The following SCAF11 variants were observed in gnomAD, a reference collection of about 807,000 sequenced individuals.
The protein encoded by SCAF11 is SR-related CTD associated factor 11, also known as protein SCAF11.
A neutral mutation model predicts 140.5 loss-of-function variants in SCAF11; 47 were observed. The ratio of observed to expected loss-of-function variants is 0.33; its 90% confidence interval spans 0.26 to 0.43. The LOEUF is 0.43. Ranked by LOEUF, SCAF11 falls within the 20% of genes least tolerant of loss-of-function variation. SCAF11 has a pLI of 1.00. For synonymous variants in SCAF11, 557 were observed against 579.4 expected, an observed-to-expected ratio of 0.96 and a Z score of 0.55; for missense variants, 1,645 against 1,705.1, an observed-to-expected ratio of 0.96 and a Z score of 0.62.
rs184825842 is a variant in SCAF11, at chr12:45,972,123, C to T, written c.-21-7935G>A. On this transcript the variant is annotated intron_variant, in intron 1 of 14. Coordinates refer to ENST00000369367, the MANE Select transcript of SCAF11 (RefSeq NM_004719.3). Reference sequence around the variant, plus strand: ...TCTGAAAACTGAAATATAAGATAAACCTCCACACATGTCACAGACTGGCTA... The same window carrying T: ...TCTGAAAACTGAAATATAAGATAAATCTCCACACATGTCACAGACTGGCTA... Among the ~76,000 whole-genome samples, 3 of 152,200 alleles carry T rather than the reference C, an allele frequency of 2.0e-5. No individual in the cohort carries two copies. In the East Asian group the frequency reaches 5.8e-4, roughly 29 times the overall value.
chr12:45,963,178 A>G (rs898893546), intron 2 of SCAF11, among the ~76,000 whole-genome samples: 2 of 152,242 alleles, frequency 1.3e-5, no homozygotes, highest in African/African-American at 2.4e-5. Context: ...GAAATCCAAA[A>G]GAGAATAAAG....
chr12:45,961,474 A>C (rs752050718), intron 3 of SCAF11: 8 of 581,764 alleles, frequency 1.4e-5, no homozygotes, highest in Non-Finnish European at 2.1e-5. Context: ...AAGGTTATTA[A>C]CTTTTTTTAA....
chr12:45,974,619 A>G, intron 1 of SCAF11: 1 of 184,440 alleles, frequency 5.4e-6, no homozygotes, highest in Non-Finnish European at 1.2e-5. Context: ...ATAAAATTGC[A>G]GCAATTCAGT....
rs1013386683 is a variant in SCAF11, at chr12:45,981,045, G to T, written c.-22+9308C>A. On this transcript the variant is annotated intron_variant, in intron 1 of 14. Transcript: ENST00000369367. ...CAAAATAAAGAAATATTGTCAAAGAGTATATATAGTTGGTTTTTGGAAGAG... is the reference window on the plus strand; with the variant it reads ...CAAAATAAAGAAATATTGTCAAAGATTATATATAGTTGGTTTTTGGAAGAG... 9.8e-5 allele frequency among the ~76,000 whole-genome samples: 15 copies of T among 152,298 alleles called. No homozygotes were observed. The South Asian group carries it at 3.1e-3, about 32-fold the overall frequency.
chr12:45,954,115 G>GT (rs1475854166), intron 3 of SCAF11, among the ~76,000 whole-genome samples: 1 of 152,184 alleles, frequency 6.6e-6, no homozygotes, highest in African/African-American at 2.4e-5. Context: ...CAAGAAATTT[G>GT]TATCAGATGC....
intron 6 of SCAF11, among the ~76,000 whole-genome samples, chr12:45,940,303 G>A (rs1198925456): frequency 2.0e-5 from 3 of 152,116 alleles, no homozygotes; most frequent in Non-Finnish European, 4.4e-5. Context: ...CAAAATGAAA[G>A]AGAACTAATT....
chr12:45,973,744 T>G (rs753206536), intron 1 of SCAF11, among the ~76,000 whole-genome samples: 2 of 152,136 alleles, frequency 1.3e-5, no homozygotes, highest in Non-Finnish European at 2.9e-5. Flanking sequence ...ATCCTCTATC[T>G]AGTGAAAATA....
At chr12:45,937,744 G>T (rs1352496120) in intron 6 of SCAF11, among the ~76,000 whole-genome samples, 1 of 152,094 alleles carries the variant, frequency 6.6e-6, no homozygotes, top group Non-Finnish European at 1.5e-5. Flanking sequence ...ATGCTCTTAG[G>T]TAGAGGACTA....
chr12:45,980,668 C>T (rs1946329825), intron 1 of SCAF11, among the ~76,000 whole-genome samples: 1 of 152,280 alleles, frequency 6.6e-6, no homozygotes, highest in South Asian at 2.1e-4. Flanking sequence ...CATATCCTTA[C>T]AGTATTTATG....
In SCAF11 at chr12:45,926,779, A is replaced by G; in HGVS notation, c.2922T>C (p.Gly974=). The change falls in exon 11 of 15, where the codon GGT becomes GGC. Residue 974 remains glycine (G), a synonymous_variant. Coordinates refer to ENST00000369367, the MANE Select transcript of SCAF11 (RefSeq NM_004719.3). ...GATCATTTCCTCGTGGACATCTCCA[A>G]CCATCATTTGCCCATCTTCCCTTCC... is the stretch of plus-strand genomic sequence containing the variant. ...PRWKGRWAND[G]WRCPRGNDRY... The G allele has an allele frequency of 6.2e-7, 1 of 1,614,124 alleles. No homozygotes were observed. Among genetic ancestry groups the G allele is most frequent in the Non-Finnish European group, 8.5e-7 (1 of 1,180,020 alleles).
At chr12:45,963,047 T>C (rs934199852) in intron 2 of SCAF11, among the ~76,000 whole-genome samples, 5 of 152,108 alleles carry the variant, frequency 3.3e-5, no homozygotes, top group Admixed American at 6.5e-5. Flanking sequence ...AAAATACTTG[T>C]GAATTGGAAG....
intron 1 of SCAF11, among the ~76,000 whole-genome samples, chr12:45,985,715 G>A (rs1045289378): frequency 6.6e-6 from 1 of 152,132 alleles, no homozygotes; most frequent in Admixed American, 6.5e-5. Flanking sequence ...ATAAACATTA[G>A]CTATCTTCTG....
upstream of SCAF11, chr12:45,990,756 G>C (rs372963080): frequency 4.6e-6 from 1 of 216,434 alleles, no homozygotes; most frequent in Non-Finnish European, 7.9e-6. Context: ...TTGGGCCGCA[G>C]GGGGGCGCTG....
At chr12:45,928,885 AAGT>A in intron 10 of SCAF11, 26 bp from the exon 11 acceptor site, 1 of 1,323,736 alleles carries the variant, frequency 7.6e-7, no homozygotes, top group Non-Finnish European at 9.9e-7. Flanking sequence ...AAAAAAAAAA[AAGT>A]AAAAAATATG....
At chr12:45,972,945 T>TATAGATATATATATAGATATATAG (rs1946131519) in intron 1 of SCAF11, among the ~76,000 whole-genome samples, 2 of 99,214 alleles carry the variant, frequency 2.0e-5, no homozygotes, top group African/African-American at 9.9e-5. Flanking sequence ...TATAGATATA[T>TATAGATATATATATAGATATATAG]ATATAGATAT....
At chr12:45,976,982 T>A (rs1159526022) in intron 1 of SCAF11, among the ~76,000 whole-genome samples, 7 of 152,076 alleles carry the variant, frequency 4.6e-5, no homozygotes, top group Non-Finnish European at 8.8e-5. Context: ...TAGGACTATT[T>A]GAAGAAATTG....
At chr12:45,946,931 G>T (rs1426500981) in intron 5 of SCAF11, among the ~76,000 whole-genome samples, 1 of 152,082 alleles carries the variant, frequency 6.6e-6, no homozygotes, top group South Asian at 2.1e-4. Flanking sequence ...GTCTGTAAAC[G>T]TGTATTTTTC....
chr12:45,920,929 A>C lies in SCAF11; in HGVS notation c.*1119T>G, dbSNP rs995558308. 6.6e-6 allele frequency: 1 copy of C among 152,230 alleles called. No homozygotes were observed. The highest frequency in any genetic ancestry group is 1.5e-5 in the Non-Finnish European group (1 of 68,046). 9.4% of individuals were successfully genotyped at this position (152,230 alleles called of 1,614,324 possible). A position where few individuals can be genotyped will look rare whatever the true frequency, so the allele number is the denominator to read the frequency against. ...TTGGCACAAATAATTTATCGTCTGC[A>C]ACGGGTAGAAGAAGATACTATGAAA... On this transcript the variant is annotated 3_prime_UTR_variant, in exon 15 of 15. Coordinates refer to ENST00000369367, the MANE Select transcript of SCAF11 (RefSeq NM_004719.3).
intron 4 of SCAF11, 137 bp downstream of exon 4, chr12:45,951,513 T>G (rs1385847755): frequency 1.9e-6 from 1 of 519,266 alleles, no homozygotes; most frequent in African/African-American, 1.9e-5. Flanking sequence ...GGTATAAATT[T>G]ATCATGCTAA....
Sources: gnomAD v4.1 joint callset for allele counts (sites outside exome capture counted in the v4.1 genomes callset) on GRCh38, gnomAD v4.1.1 for gene constraint, MANE v1.5 for transcripts, NCBI Gene and HGNC (gene_info 2026-07-23, HGNC 2026-07-21) for gene names.